SH3BGRL2: variants seen among roughly 807,000 people sequenced by gnomAD.
SH3BGRL2 encodes the protein SH3 domain-binding glutamic acid-rich-like protein 2.
SH3BGRL2 carries 21 observed loss-of-function variants against 14.8 expected under a neutral mutation model. The observed-to-expected ratio is 1.42, with a 90% CI of 1.01 to 2.05. The LOEUF is 2.05. Among genes scored for constraint, SH3BGRL2 ranks in the 30% most tolerant of loss-of-function variants. The probability of loss-of-function intolerance (pLI) is 0.00; values close to 1 mark genes in which losing one functional copy is unlikely to be tolerated. For synonymous variants in SH3BGRL2, 50 were observed against 47.8 expected, an observed-to-expected ratio of 1.05 and a Z score of -0.19; for missense variants, 147 against 130.8, an observed-to-expected ratio of 1.12 and a Z score of -0.61.
the SH3BGRL2 span, among the ~76,000 whole-genome samples, chr6:79,592,783 C>A: frequency 1.3e-5 from 2 of 152,090 alleles, no homozygotes; most frequent in Non-Finnish European, 2.9e-5. Flanking sequence ...ACTTACCACA[C>A]GTGTATGAGG....
intron 2 of SH3BGRL2, among the ~76,000 whole-genome samples, chr6:79,679,094 T>C (rs1159395893): frequency 6.6e-6 from 1 of 152,208 alleles, no homozygotes; most frequent in Non-Finnish European, 1.5e-5. Flanking sequence ...AGTGCATATA[T>C]CTCTTTGGTA....
At chr6:79,578,547 A>C in the SH3BGRL2 span, among the ~76,000 whole-genome samples, 1 of 147,214 alleles carries the variant, frequency 6.8e-6, no homozygotes, top group South Asian at 2.2e-4. Context: ...ACAGATCTGC[A>C]GCTGAGGGAC....
upstream of SH3BGRL2, among the ~76,000 whole-genome samples, chr6:79,629,941 A>G (rs867473336): frequency 6.6e-6 from 1 of 152,230 alleles, no homozygotes; most frequent in South Asian, 2.1e-4. Context: ...GCTGACTTTT[A>G]TAAAGATTTG....
At chr6:79,621,952 G>A in the SH3BGRL2 span, among the ~76,000 whole-genome samples, 1 of 151,962 alleles carries the variant, frequency 6.6e-6, no homozygotes, top group Non-Finnish European at 1.5e-5. Flanking sequence ...TGAGGCTGTG[G>A]CAATCACCTT....
chr6:79,631,747 C>T (rs1243122811), intron 1 of SH3BGRL2, among the ~76,000 whole-genome samples: 1 of 152,234 alleles, frequency 6.6e-6, no homozygotes, highest in Non-Finnish European at 1.5e-5. Flanking sequence ...ACAACGCGGC[C>T]TGAAAATGGA....
intron 2 of SH3BGRL2, among the ~76,000 whole-genome samples, chr6:79,690,427 A>G (rs545638059): frequency 2.0e-5 from 3 of 152,292 alleles, no homozygotes; most frequent in South Asian, 2.1e-4. Flanking sequence ...TCAGTTAAAC[A>G]AGACAGGGGC....
At chr6:79,694,719 GCCACTTTAAT>G (rs1770294770) in intron 2 of SH3BGRL2, among the ~76,000 whole-genome samples, 1 of 151,994 alleles carries the variant, frequency 6.6e-6, no homozygotes, top group African/African-American at 2.4e-5. Flanking sequence ...AAAGTTCAGA[GCCACTTTAAT>G]TCTTATTTCT....
At chr6:79,553,499 G>GT in the SH3BGRL2 span, among the ~76,000 whole-genome samples, 7 of 152,202 alleles carry the variant, frequency 4.6e-5, no homozygotes, top group East Asian at 1.9e-4. Flanking sequence ...TTGTTTCTTT[G>GT]TTTTTTACCA....
chr6:79,672,126 G>A (rs1340447871), intron 1 of SH3BGRL2, among the ~76,000 whole-genome samples: 1 of 152,140 alleles, frequency 6.6e-6, no homozygotes, highest in Non-Finnish European at 1.5e-5. Context: ...GTATAAAACA[G>A]GGCATCTCTG....
intron 2 of SH3BGRL2, among the ~76,000 whole-genome samples, chr6:79,692,915 G>A (rs1562159861): frequency 1.3e-5 from 2 of 152,162 alleles, no homozygotes; most frequent in East Asian, 3.9e-4. Context: ...TACCTTGATG[G>A]GGATGGCATT....
chr6:79,605,257 G>A, the SH3BGRL2 span, among the ~76,000 whole-genome samples: 477 of 152,274 alleles, frequency 3.1e-3, 4 homozygotes, highest in African/African-American at 9.4e-3. Flanking sequence ...TGACAGCTCC[G>A]GGTGAGCCCA....
upstream of SH3BGRL2, among the ~76,000 whole-genome samples, chr6:79,631,129 C>T (rs1582709223): frequency 6.6e-6 from 1 of 152,192 alleles, no homozygotes; most frequent in East Asian, 1.9e-4. Flanking sequence ...GGCTGTGGCT[C>T]CCCTCCAGCC....
At chr6:79,687,141 A>G (rs183443940) in intron 2 of SH3BGRL2, among the ~76,000 whole-genome samples, 54 of 152,302 alleles carry the variant, frequency 3.5e-4, no homozygotes, top group African/African-American at 1.3e-3. Flanking sequence ...TTATACATTG[A>G]TTGCCCTGCC....
At chr6:79,590,430 T>G in the SH3BGRL2 span, among the ~76,000 whole-genome samples, 12 of 74,694 alleles carry the variant, frequency 1.6e-4, no homozygotes, top group South Asian at 5.5e-4. Context: ...ATGTGATATA[T>G]ATATATATAT....
rs1393809626 is a variant in SH3BGRL2 at position 79,631,611 on chromosome 6, C to G, written c.45+105C>G. On this transcript the variant is annotated intron_variant, in intron 1 of 3. Coordinates refer to ENST00000369838, the MANE Select transcript of SH3BGRL2 (RefSeq NM_031469.4). ...GCGTCCTTGCGCTCAGCCGGTCCGCCCGCGGGAGCCCGCGCCCGGCAGGTG... is the reference window on the plus strand; with the variant it reads ...GCGTCCTTGCGCTCAGCCGGTCCGCGCGCGGGAGCCCGCGCCCGGCAGGTG... The G allele has an allele frequency of 5.8e-6, 5 of 866,016 alleles. No homozygotes were observed. In the African/African-American group the frequency reaches 8.8e-5, roughly 15 times the overall value. The allele number at this position is 866,016 out of a possible 1,614,324, so 53.6% of individuals were successfully genotyped here. A position where few individuals can be genotyped will look rare whatever the true frequency, so the allele number is the denominator to read the frequency against.
the SH3BGRL2 span, among the ~76,000 whole-genome samples, chr6:79,625,127 C>A: frequency 6.6e-6 from 1 of 151,990 alleles, no homozygotes; most frequent in Non-Finnish European, 1.5e-5. Context: ...GAGCCGTGAT[C>A]GCACCACTGC....
At chr6:79,669,306 C>T (rs1412605949) in intron 1 of SH3BGRL2, among the ~76,000 whole-genome samples, 1 of 152,026 alleles carries the variant, frequency 6.6e-6, no homozygotes, top group Admixed American at 6.6e-5. Context: ...AAGGTGAGCC[C>T]TCAAGGATAA....
At chr6:79,682,570 G>C (rs963263999) in intron 2 of SH3BGRL2, among the ~76,000 whole-genome samples, 14 of 150,030 alleles carry the variant, frequency 9.3e-5, no homozygotes, top group African/African-American at 3.4e-4. Flanking sequence ...TTCATGACAA[G>C]ATGATTATTA....
chr6:79,665,399 TGTTATTATG>T (rs1299113214), intron 1 of SH3BGRL2, among the ~76,000 whole-genome samples: 3 of 152,156 alleles, frequency 2.0e-5, no homozygotes, highest in Admixed American at 6.5e-5. Context: ...CCAAAACATT[TGTTATTATG>T]GCAACTATAT....
Sources: gnomAD v4.1 joint callset for allele counts (sites outside exome capture counted in the v4.1 genomes callset) on GRCh38, gnomAD v4.1.1 for gene constraint, MANE v1.5 for transcripts, NCBI Gene and HGNC (gene_info 2026-07-23, HGNC 2026-07-21) for gene names.